Variants in STK32B observed in about 807,000 individuals in gnomAD.
STK32B encodes serine/threonine kinase 32B, also known as serine/threonine-protein kinase 32B.
STK32B carries 43 observed loss-of-function variants against 52.6 expected under a neutral mutation model. The observed-to-expected ratio is 0.82, with a 90% CI of 0.64 to 1.05. The LOEUF (loss-of-function observed/expected upper bound fraction) is 1.05, where lower values mean the gene tolerates loss of function less well. Among genes scored for constraint, STK32B ranks in the 50% least tolerant of loss-of-function variants. The probability of loss-of-function intolerance (pLI) is 0.00; values close to 1 mark genes in which losing one functional copy is unlikely to be tolerated. For missense variants in STK32B, 621 were observed against 534.6 expected (o/e 1.16, Z -1.59); for synonymous variants, 238 against 204.3 (o/e 1.17, Z -1.41).
intron 11 of STK32B, among the ~76,000 whole-genome samples, chr4:5,477,516 C>T (rs1293035917): frequency 6.6e-6 from 1 of 152,164 alleles, no homozygotes; most frequent in African/African-American, 2.4e-5. Context: ...CCCAGATCCC[C>T]TCTCTGAGTC....
At chr4:5,404,523 G>A (rs948628806) in intron 5 of STK32B, among the ~76,000 whole-genome samples, 3 of 151,462 alleles carry the variant, frequency 2.0e-5, no homozygotes, top group Admixed American at 6.6e-5. Flanking sequence ...CACGAATATC[G>A]ACCACTACTG....
intron 3 of STK32B, among the ~76,000 whole-genome samples, chr4:5,326,311 C>G (rs1222390947): frequency 6.6e-6 from 1 of 152,090 alleles, no homozygotes; most frequent in Non-Finnish European, 1.5e-5. Context: ...ATTCTTCTAT[C>G]CAGTAGCAAA....
intron 4 of STK32B, among the ~76,000 whole-genome samples, chr4:5,358,912 T>C (rs1279785040): frequency 6.6e-6 from 1 of 152,308 alleles, no homozygotes; most frequent in Non-Finnish European, 1.5e-5. Flanking sequence ...ATGTTTTGCC[T>C]GGGCTCATAC....
At chr4:5,212,166 T>G (rs1031025367) in intron 3 of STK32B, among the ~76,000 whole-genome samples, 1 of 152,220 alleles carries the variant, frequency 6.6e-6, no homozygotes, top group Admixed American at 6.5e-5. Flanking sequence ...TGATGTTTTA[T>G]ACAGGCCATC....
intron 2 of STK32B, among the ~76,000 whole-genome samples, chr4:5,163,784 A>G: frequency 6.6e-6 from 1 of 152,164 alleles, no homozygotes; most frequent in Non-Finnish European, 1.5e-5. Flanking sequence ...AATTCTCCCT[A>G]TTTCTGAAAT....
intron 3 of STK32B, among the ~76,000 whole-genome samples, chr4:5,316,794 T>TTA (rs1730871677): frequency 0.07 from 7 of 100 alleles, 1 homozygote; most frequent in East Asian, 0.5. Context: ...TACATATATA[T>TTA]TATATATTAT....
chr4:5,359,601 G>A (rs143297836), intron 4 of STK32B, among the ~76,000 whole-genome samples: 107 of 152,296 alleles, frequency 7.0e-4, no homozygotes, highest in Middle Eastern at 3.4e-3. Context: ...AATACTATAG[G>A]AGCACAGAAA....
intron 5 of STK32B, among the ~76,000 whole-genome samples, chr4:5,403,703 C>G (rs1242721991): frequency 6.6e-6 from 1 of 152,114 alleles, no homozygotes; most frequent in Non-Finnish European, 1.5e-5. Context: ...ATGTCAGCAC[C>G]CACTTTTCTC....
chr4:5,181,329 G>GACACACATACACACACACACACACACAC (rs777338742), intron 3 of STK32B, among the ~76,000 whole-genome samples: 11 of 138,122 alleles, frequency 8.0e-5, no homozygotes, highest in African/African-American at 2.9e-4. Context: ...TGGAGAGTGA[G>GACACACATACACACACACACACACACAC]ACACACACAC....
At chr4:5,425,735 A>G (rs1713037121) in intron 6 of STK32B, among the ~76,000 whole-genome samples, 1 of 152,160 alleles carries the variant, frequency 6.6e-6, no homozygotes, top group Non-Finnish European at 1.5e-5. Flanking sequence ...ACAGTCATAG[A>G]TAAACACCAC....
At chr4:5,204,105 T>C (rs1347836987) in intron 3 of STK32B, 1 of 152,226 alleles carries the variant, frequency 6.6e-6, no homozygotes, top group Non-Finnish European at 1.5e-5. Flanking sequence ...CTTAATAAAT[T>C]GCTTGCAGAT....
chr4:5,497,508 G>A (rs1720386264), intron 11 of STK32B, among the ~76,000 whole-genome samples: 1 of 152,174 alleles, frequency 6.6e-6, no homozygotes, highest in Non-Finnish European at 1.5e-5. Flanking sequence ...ACCTTTCCCA[G>A]TTGCCCTACC....
chr4:5,420,698 C>T (rs908235142), intron 6 of STK32B, among the ~76,000 whole-genome samples: 2 of 152,054 alleles, frequency 1.3e-5, no homozygotes, highest in Non-Finnish European at 2.9e-5. Context: ...GGAAGGGGCA[C>T]GTGGAGGCTG....
At chr4:5,495,491 A>G (rs1411726884) in intron 11 of STK32B, among the ~76,000 whole-genome samples, 1 of 152,076 alleles carries the variant, frequency 6.6e-6, no homozygotes, top group Non-Finnish European at 1.5e-5. Flanking sequence ...ATTTTTTTCA[A>G]AGTTTTCAAC....
chr4:5,315,533 T>A (rs1293986141), intron 3 of STK32B, among the ~76,000 whole-genome samples: 2 of 152,112 alleles, frequency 1.3e-5, no homozygotes, highest in Non-Finnish European at 2.9e-5. Flanking sequence ...CAATTTTATA[T>A]GATTTATGGA....
At chr4:5,345,353 C>CTTCAA (rs1405035285) in intron 4 of STK32B, 1 of 148,598 alleles carries the variant, frequency 6.7e-6, no homozygotes, top group Admixed American at 6.7e-5. Context: ...AAAGCAGATG[C>CTTCAA]TTCAAACTCT....
rs114542612 is a variant in STK32B at position 5,378,831 on chromosome 4, T to C, written c.435-19376T>C. ...GGAGCCCCATCCCGAAGACTCGGGC[T>C]TCACTGCTGACTGGGGCTTGTGATC... is the stretch of plus-strand genomic sequence containing the variant. On this transcript the variant is annotated intron_variant, in intron 4 of 11. Transcript: ENST00000282908. This position sits in a 1 kb window ranked among gnomAD's most constrained non-coding sequence, Gnocchi z 4.4. Among the ~76,000 whole-genome samples the C allele has an allele frequency of 0.013, 1,985 of 152,290 alleles. 49 individuals carry two copies. Among genetic ancestry groups the C allele is most frequent in the African/African-American group, 0.044 (1,821 of 41,552 alleles).
At chr4:5,254,080 C>T (rs1036017772) in intron 3 of STK32B, among the ~76,000 whole-genome samples, 18 of 151,796 alleles carry the variant, frequency 1.2e-4, no homozygotes, top group African/African-American at 3.9e-4. Context: ...CCACTGTGCC[C>T]AGCTGAATCT....
Position 5,120,228 on chromosome 4 carries a change from A to G in STK32B, c.53-19677A>G, listed in dbSNP as rs1430871609. Among the ~76,000 whole-genome samples the G allele has an allele frequency of 3.9e-5, 6 of 152,254 alleles. No individual in the cohort carries two copies. In the East Asian group the frequency reaches 1.2e-3, roughly 29 times the overall value. ...TGGCCATCGACATCGTCATGGCTTG[A>G]TGATCCAGGATCACCTGAATCAGAT... On this transcript the variant is annotated intron_variant, in intron 1 of 11. Coordinates refer to ENST00000282908, the MANE Select transcript of STK32B (RefSeq NM_018401.3).
Sources: gnomAD v4.1 joint callset for allele counts (sites outside exome capture counted in the v4.1 genomes callset) on GRCh38, gnomAD v4.1.1 for gene constraint, Gnocchi (gnomAD v3.1) non-coding constraint, MANE v1.5 for transcripts, NCBI Gene and HGNC (gene_info 2026-07-23, HGNC 2026-07-21) for gene names.